Variants in ADGRG2 observed in about 807,000 individuals in gnomAD.
ADGRG2 encodes the protein adhesion G protein-coupled receptor G2.
ADGRG2 carries 26 observed loss-of-function variants against 74.1 expected under a neutral mutation model. That is an observed-to-expected ratio of 0.35 (90% confidence interval 0.26 to 0.49). The LOEUF is 0.49. Ranked by LOEUF, ADGRG2 falls within the 20% of genes least tolerant of loss-of-function variation. The pLI, the probability that ADGRG2 is intolerant of heterozygous loss-of-function variation, is 0.99. For missense variants in ADGRG2, 619 were observed against 763.1 expected, an observed-to-expected ratio of 0.81 and a Z score of 2.22; for synonymous variants, 296 against 295.2, an observed-to-expected ratio of 1.00 and a Z score of -0.03.
intron 11 of ADGRG2, among the ~76,000 whole-genome samples, chrX:19,026,447 AG>A (rs968576474): frequency 4.5e-5 from 5 of 110,102 alleles, no homozygotes; most frequent in Non-Finnish European, 9.5e-5. Context: ...CTCCTGGCCT[AG>A]GCCATCCTGG....
chrX:19,024,972 A>G (rs1055268586), intron 11 of ADGRG2, among the ~76,000 whole-genome samples: 33 of 111,649 alleles, frequency 3.0e-4, no homozygotes, highest in Admixed American at 2.7e-3. Context: ...ACCACGTCTC[A>G]CCATGTTACC....
At position 19,045,454 on chromosome X, in the gene ADGRG2, C is replaced by G. The variant is rs183677287; in HGVS notation, c.119-5230G>C. The stretch of plus-strand genomic sequence containing the variant: ...TCCCGAGTAGCTGGGATTACAGGAA[C>G]CTGCCACCACGCCTGGCTAATTTTG... On this transcript the variant is annotated intron_variant, in intron 3 of 28. Transcript: ENST00000379869. Among the ~76,000 whole-genome samples the G allele has an allele frequency of 2.4e-3, 259 of 108,457 alleles. 6 individuals are homozygous for G. Among genetic ancestry groups the G allele is most frequent in the Admixed American group, 0.023 (235 of 10,032 alleles). 94.2% of individuals were successfully genotyped at this position (108,457 alleles called of 115,157 possible).
intron 2 of ADGRG2, among the ~76,000 whole-genome samples, chrX:19,074,070 A>C (rs2061694865): frequency 9.0e-6 from 1 of 111,206 alleles, no homozygotes; most frequent in Non-Finnish European, 1.9e-5. Context: ...AGCATAATTA[A>C]ATTTCTATTT....
intron 28 of ADGRG2, among the ~76,000 whole-genome samples, chrX:18,993,678 A>T (rs1351144574): frequency 9.8e-6 from 1 of 102,190 alleles, no homozygotes; most frequent in African/African-American, 3.8e-5. Context: ...ACCTTGTCAT[A>T]AAAAAAAAGA....
intron 26 of ADGRG2, 93 bp downstream of exon 26, chrX:18,998,903 A>G: frequency 1.4e-6 from 1 of 724,980 alleles, no homozygotes; most frequent in Non-Finnish European, 2.1e-6. Flanking sequence ...CCAAACCCCC[A>G]ACATCTCTGA....
At chrX:19,066,617 G>A (rs775565694) in intron 3 of ADGRG2, among the ~76,000 whole-genome samples, 6 of 108,852 alleles carry the variant, frequency 5.5e-5, no homozygotes, top group African/African-American at 1.0e-4. Flanking sequence ...AACCATGCCC[G>A]GCTAATTTTT....
intron 1 of ADGRG2, among the ~76,000 whole-genome samples, chrX:19,121,607 G>T (rs1271374251): frequency 1.8e-5 from 2 of 111,026 alleles, no homozygotes; most frequent in Non-Finnish European, 3.8e-5. Flanking sequence ...GTGGTCCATG[G>T]AACAGCATCA....
At chrX:19,087,298 G>C (rs2061949621) in intron 1 of ADGRG2, among the ~76,000 whole-genome samples, 1 of 112,703 alleles carries the variant, frequency 8.9e-6, no homozygotes, top group South Asian at 3.6e-4. Flanking sequence ...AAAAAACAAG[G>C]CTGCTCTGTA....
chrX:19,106,748 G>A (rs184830871), intron 1 of ADGRG2, among the ~76,000 whole-genome samples: 6,543 of 109,863 alleles, frequency 0.06, 490 homozygotes, highest in African/African-American at 0.2. Context: ...GTGAAACCCC[G>A]TCTCTACTAA....
At chrX:19,120,514 C>T (rs1380502418) in intron 1 of ADGRG2, among the ~76,000 whole-genome samples, 1 of 111,980 alleles carries the variant, frequency 8.9e-6, no homozygotes, top group African/African-American at 3.2e-5. Context: ...CTTCAGATAG[C>T]CAAAGAGGAG....
intron 3 of ADGRG2, among the ~76,000 whole-genome samples, chrX:19,056,065 G>T (rs1164976410): frequency 9.1e-6 from 1 of 110,456 alleles, no homozygotes; most frequent in African/African-American, 3.3e-5. Context: ...CAGGCCTGGA[G>T]GTGGCACACA....
Position 19,002,930 on chromosome X carries a change from C to T in ADGRG2, c.2146G>A (p.Ala716Thr). The change falls in exon 24 of 29, where the codon GCA (alanine) becomes ACA (threonine). Residue 716 changes from alanine (A) to threonine (T), a missense_variant. Ala to Thr is a moderately conservative substitution (Grantham distance 58). This residue lies in a region of ADGRG2 where 221 missense variants were observed against 340.6 expected (regional missense o/e 0.65). Coordinates refer to ENST00000379869, the MANE Select transcript of ADGRG2 (RefSeq NM_001079858.3). ...LVSFTWMGLEAFHMYLALVKV... is the reference protein window; with the variant it reads ...LVSFTWMGLETFHMYLALVKV... ...ACAAGGGCCAGGTACATATGGAATG[C>T]TTCTAGGCCCATCCATGTGAATGAG... is the stretch of plus-strand genomic sequence containing the variant. 1 of 1,199,781 alleles carries T rather than the reference C, an allele frequency of 8.3e-7. No individual in the cohort carries two copies. Among genetic ancestry groups the T allele is most frequent in the Non-Finnish European group, 1.1e-6 (1 of 884,623 alleles).
chrX:18,998,280 A>G (rs2060054980), intron 26 of ADGRG2, among the ~76,000 whole-genome samples: 1 of 111,584 alleles, frequency 9.0e-6, no homozygotes, highest in African/African-American at 3.3e-5. Context: ...AGGCACAGTC[A>G]TGGTATGTGT....
intron 1 of ADGRG2, among the ~76,000 whole-genome samples, chrX:19,109,140 G>C (rs925931821): frequency 9.0e-6 from 1 of 111,388 alleles, no homozygotes; most frequent in East Asian, 2.8e-4. Context: ...AAGGATGGCT[G>C]CTTGAAATGA....
rs1235464451 is a variant in ADGRG2, at chrX:19,071,355, A to G, written c.-1-2520T>C. On this transcript the variant is annotated intron_variant, in intron 2 of 28. Coordinates refer to ENST00000379869, the MANE Select transcript of ADGRG2 (RefSeq NM_001079858.3). The stretch of plus-strand genomic sequence containing the variant: ...TTAACCTCTCTCTGGGCATAATGGC[A>G]TGTTATTGATCTTCCCAAAGGAGTC... Among the ~76,000 whole-genome samples, 3 of 112,125 alleles carry G rather than the reference A, an allele frequency of 2.7e-5. 1 individual carries two copies. Among genetic ancestry groups the G allele is most frequent in the Non-Finnish European group, 5.6e-5 (3 of 53,268 alleles).
Position 19,040,190 on chromosome X carries a change from AGGT to A in ADGRG2, c.150_152del (p.Pro51del). 1 of 1,153,506 alleles carries A rather than the reference AGGT, an allele frequency of 8.7e-7. No homozygotes were observed. Among genetic ancestry groups the A allele is most frequent in the Non-Finnish European group, 1.2e-6 (1 of 844,761 alleles). On this transcript the variant is annotated inframe_deletion and splice_region_variant, in exon 4 of 29. Transcript: ENST00000379869. ...CAGAGTTCTAAAAAAACAACTTACCAGGTGGTGGTGACAAACTGGAATTATCAG... is the reference window on the plus strand; with the variant it reads ...CAGAGTTCTAAAAAAACAACTTACCAGGTGGTGACAAACTGGAATTATCAG...
At chrX:19,017,410 T>A (rs1337192497) in intron 15 of ADGRG2, among the ~76,000 whole-genome samples, 10 of 111,958 alleles carry the variant, frequency 8.9e-5, no homozygotes, top group Non-Finnish European at 1.9e-4. Context: ...TAACTGGACA[T>A]CAGTTTCACA....
rs111774151 is a variant in ADGRG2 at position 19,010,603 on chromosome X, G to A, written c.1265+10C>T. The A allele has an allele frequency of 1.1e-3, 1,275 of 1,195,248 alleles. 10 individuals carry two copies. In the African/African-American group the frequency reaches 0.019, roughly 18 times the overall value. On this transcript the variant is annotated intron_variant, in intron 17 of 28. Coordinates refer to ENST00000379869, the MANE Select transcript of ADGRG2 (RefSeq NM_001079858.3). ...CCCTCTTACCACCACTTCAGTTTGC[G>A]AAGTCGTACCTTTGAGCCAGAGGGG... is the stretch of plus-strand genomic sequence containing the variant.
At position 19,010,643 on chromosome X, in the gene ADGRG2, G is replaced by A. The variant is rs778538674; in HGVS notation, c.1235C>T (p.Pro412Leu). Residue 412 changes from proline to leucine, a missense_variant, in exon 17 of 29, where the codon CCG (proline) becomes CTG (leucine). Pro to Leu is a moderately conservative substitution (Grantham distance 98). Coordinates refer to ENST00000379869, the MANE Select transcript of ADGRG2 (RefSeq NM_001079858.3). ...AGCCAGAGGGGCCAGCATGTCAGGC[G>A]GGGAATGAAGGAGTCTGCTGACTTG... is the stretch of plus-strand genomic sequence containing the variant. ...INQVSRLLHS[P>L]PDMLAPLAQR... 4.1e-6 allele frequency: 5 copies of A among 1,206,500 alleles called. No homozygotes were observed. The highest frequency in any genetic ancestry group is 1.8e-5 in the African/African-American group (1 of 56,940).
Sources: gnomAD v4.1 joint callset for allele counts (sites outside exome capture counted in the v4.1 genomes callset) on GRCh38, gnomAD v4.1.1 for gene constraint, gnomAD v4.1.1 regional missense constraint, MANE v1.5 for transcripts, NCBI Gene and HGNC (gene_info 2026-07-23, HGNC 2026-07-21) for gene names.